Variants in SCFD2 observed in about 807,000 individuals in gnomAD.
The protein encoded by SCFD2 is sec1 family domain-containing protein 2.
Under a neutral mutation model 58.9 loss-of-function variants are expected in SCFD2, and 54 were observed. That is an observed-to-expected ratio of 0.92 (90% CI 0.74 to 1.15). SCFD2 has a LOEUF of 1.15. SCFD2 is among the 50% of genes most tolerant of loss of function. The probability of loss-of-function intolerance (pLI) is 0.00; values close to 1 mark genes in which losing one functional copy is unlikely to be tolerated. For missense variants in SCFD2, 805 were observed against 836.6 expected (o/e 0.96, Z 0.47); for synonymous variants, 321 against 335.9 (o/e 0.96, Z 0.49).
intron 5 of SCFD2, among the ~76,000 whole-genome samples, chr4:52,943,853 A>G (rs1720353403): frequency 6.6e-6 from 1 of 152,148 alleles, no homozygotes; most frequent in South Asian, 2.1e-4. Context: ...CCAACCCTTC[A>G]ATGTGCCTAA....
intron 4 of SCFD2, among the ~76,000 whole-genome samples, chr4:53,224,834 T>TTA (rs1729154868): frequency 1.3e-5 from 2 of 152,026 alleles, no homozygotes; most frequent in South Asian, 4.1e-4. Flanking sequence ...CTACTTTATA[T>TTA]ATCTAATCTC....
intron 4 of SCFD2, among the ~76,000 whole-genome samples, chr4:53,234,070 T>C (rs1577873371): frequency 1.3e-5 from 2 of 152,220 alleles, no homozygotes; most frequent in Admixed American, 6.5e-5. Flanking sequence ...CAGATACTCA[T>C]ACCAGCCTAT....
intron 5 of SCFD2, among the ~76,000 whole-genome samples, chr4:53,100,067 G>A (rs1429842085): frequency 6.6e-6 from 1 of 152,110 alleles, no homozygotes; most frequent in Non-Finnish European, 1.5e-5. Flanking sequence ...TGGACATCAG[G>A]AAACTGATGA....
intron 4 of SCFD2, among the ~76,000 whole-genome samples, chr4:53,182,341 T>A (rs1415338495): frequency 2.0e-5 from 3 of 152,186 alleles, no homozygotes; most frequent in Middle Eastern, 3.4e-3. Flanking sequence ...CCCTCAGAAA[T>A]AATGCCACAT....
intron 4 of SCFD2, among the ~76,000 whole-genome samples, chr4:53,201,706 T>A (rs1728245412): frequency 6.6e-6 from 1 of 152,226 alleles, no homozygotes; most frequent in Admixed American, 6.5e-5. Flanking sequence ...GACTTTTTGA[T>A]GATTGCCATT....
chr4:53,075,276 G>C (rs1723937868), intron 5 of SCFD2, among the ~76,000 whole-genome samples: 1 of 152,172 alleles, frequency 6.6e-6, no homozygotes, highest in African/African-American at 2.4e-5. Context: ...TTTAGGGCTT[G>C]CTCTGGCTTA....
chr4:53,359,938 T>A (rs1734505352), intron 1 of SCFD2, among the ~76,000 whole-genome samples: 1 of 152,198 alleles, frequency 6.6e-6, no homozygotes, highest in African/African-American at 2.4e-5. Flanking sequence ...ACTATTACCA[T>A]GGAGCCACCA....
intron 4 of SCFD2, among the ~76,000 whole-genome samples, chr4:53,223,137 A>G (rs1729098598): frequency 6.6e-6 from 1 of 152,172 alleles, no homozygotes; most frequent in South Asian, 2.1e-4. Flanking sequence ...AAATCATTTT[A>G]TTTTTAAACT....
chr4:53,033,497 G>A (rs1039857596), intron 5 of SCFD2, among the ~76,000 whole-genome samples: 8 of 151,740 alleles, frequency 5.3e-5, no homozygotes, highest in African/African-American at 1.9e-4. Context: ...ATAGAGACAC[G>A]AAAAATCCTT....
At chr4:52,963,831 C>G (rs573541971) in intron 5 of SCFD2, among the ~76,000 whole-genome samples, 3 of 152,198 alleles carry the variant, frequency 2.0e-5, no homozygotes, top group African/African-American at 7.2e-5. Flanking sequence ...TAAAATGTTG[C>G]CTTTTGGTTT....
chr4:53,341,746 A>G (rs1464072417), intron 2 of SCFD2, among the ~76,000 whole-genome samples: 2 of 152,240 alleles, frequency 1.3e-5, no homozygotes, highest in Non-Finnish European at 2.9e-5. Context: ...CCATCAGACT[A>G]ACAGCAGATC....
chr4:52,994,086 G>A (rs1484683526), intron 5 of SCFD2, among the ~76,000 whole-genome samples: 1 of 152,194 alleles, frequency 6.6e-6, no homozygotes, highest in African/African-American at 2.4e-5. Flanking sequence ...GCTGTTCCTG[G>A]GGCATCCTCA....
At chr4:53,338,664 T>C (rs1364769854) in intron 2 of SCFD2, among the ~76,000 whole-genome samples, 2 of 127,858 alleles carry the variant, frequency 1.6e-5, no homozygotes, top group Non-Finnish European at 3.2e-5. Flanking sequence ...CACTGCAAGC[T>C]CCGCCTCCCG....
intron 2 of SCFD2, among the ~76,000 whole-genome samples, chr4:53,330,668 T>C (rs1046456226): frequency 1.3e-5 from 2 of 150,508 alleles, no homozygotes; most frequent in African/African-American, 4.9e-5. Flanking sequence ...CCATCGAGAC[T>C]AGGAAGAAAC....
chr4:53,057,011 C>T (rs1421718784), intron 5 of SCFD2, among the ~76,000 whole-genome samples: 4 of 151,966 alleles, frequency 2.6e-5, no homozygotes, highest in Non-Finnish European at 4.4e-5. Flanking sequence ...GGTGAAACTC[C>T]GTCTCTAATA....
chr4:53,071,784 A>G (rs1253317450), intron 5 of SCFD2, among the ~76,000 whole-genome samples: 3 of 152,182 alleles, frequency 2.0e-5, no homozygotes, highest in African/African-American at 7.2e-5. Flanking sequence ...AGAAAGGCAA[A>G]TGTATGCGAC....
At chr4:52,953,893 C>G (rs368445679) in intron 5 of SCFD2, among the ~76,000 whole-genome samples, 2 of 152,198 alleles carry the variant, frequency 1.3e-5, no homozygotes, top group East Asian at 1.9e-4. Context: ...CTTGTTTGGT[C>G]AAACACCATT....
chr4:53,133,900 T>A (rs1725864146), intron 5 of SCFD2, among the ~76,000 whole-genome samples: 1 of 152,246 alleles, frequency 6.6e-6, no homozygotes, highest in African/African-American at 2.4e-5. Context: ...TGTCTGTCAA[T>A]GAACATTTAG....
chr4:52,956,283 G>C (rs773205622), intron 5 of SCFD2: 1 of 456,348 alleles, frequency 2.2e-6, no homozygotes. Flanking sequence ...GAAGGGGAGC[G>C]GTGGCTGAGG....
Sources: gnomAD v4.1 joint callset for allele counts (sites outside exome capture counted in the v4.1 genomes callset) on GRCh38, gnomAD v4.1.1 for gene constraint, MANE v1.5 for transcripts, NCBI Gene and HGNC (gene_info 2026-07-23, HGNC 2026-07-21) for gene names.